DLGAP2: variants seen among roughly 807,000 people sequenced by gnomAD.
DLGAP2 encodes the protein disks large-associated protein 2.
DLGAP2 carries 26 observed loss-of-function variants against 100.3 expected under a neutral mutation model. That is an observed-to-expected ratio of 0.26 (90% confidence interval 0.19 to 0.36). The LOEUF (loss-of-function observed/expected upper bound fraction) is 0.36, where lower values mean the gene tolerates loss of function less well. Ranked by LOEUF, DLGAP2 falls within the 10% of genes least tolerant of loss-of-function variation. DLGAP2 has a pLI of 1.00. For synonymous variants in DLGAP2, 886 were observed against 630.1 expected, an observed-to-expected ratio of 1.41 and a Z score of -6.08; for missense variants, 1,858 against 1,453.2, an observed-to-expected ratio of 1.28 and a Z score of -4.53.
At chr8:1,329,277 C>T (rs73170460) in intron 3 of DLGAP2, among the ~76,000 whole-genome samples, 25,963 of 152,184 alleles carry the variant, frequency 0.17, 2,650 homozygotes, top group Admixed American at 0.27. Context: ...GAAGTTTACT[C>T]TCAGTAATCG....
intron 3 of DLGAP2, among the ~76,000 whole-genome samples, chr8:1,386,488 C>G (rs2129789670): frequency 1.3e-5 from 2 of 152,314 alleles, no homozygotes; most frequent in Middle Eastern, 6.8e-3. Context: ...GCAGAATTCC[C>G]TCCAGAATCC....
chr8:1,666,477 T>C (rs889660653), intron 8 of DLGAP2, among the ~76,000 whole-genome samples: 2 of 152,132 alleles, frequency 1.3e-5, no homozygotes, highest in African/African-American at 4.8e-5. Context: ...GGTCAGGAGT[T>C]TGAGACCAGG....
intron 6 of DLGAP2, among the ~76,000 whole-genome samples, chr8:1,592,680 C>G (rs1646004817): frequency 6.6e-6 from 1 of 152,164 alleles, no homozygotes; most frequent in Non-Finnish European, 1.5e-5. Context: ...TTCTGTAGTT[C>G]CATTTAATGC....
chr8:1,509,218 C>A (rs2130363883), intron 4 of DLGAP2, among the ~76,000 whole-genome samples: 1 of 151,918 alleles, frequency 6.6e-6, no homozygotes, highest in Middle Eastern at 3.4e-3. Flanking sequence ...GTAATCCCAG[C>A]TACTCGAGAG....
Position 1,549,642 on chromosome 8 carries a change from C to G in DLGAP2, c.1189C>G (p.Gln397Glu). The change falls in exon 5 of 15, where the codon CAG becomes GAG. Residue 397 changes from glutamine (Q) to glutamate (E), a missense_variant. Gln to Glu is a conservative substitution (Grantham distance 29, BLOSUM62 2). Coordinates refer to ENST00000637795, the MANE Select transcript of DLGAP2 (RefSeq NM_001346810.2). ...SLNLDKPLLH[Q>E]DAKPALRPCH... ...GAACCTGGACAAGCCGCTGCTGCACCAGGACGCCAAGCCCGCCCTGAGGCC... is the reference window on the plus strand; with the variant it reads ...GAACCTGGACAAGCCGCTGCTGCACGAGGACGCCAAGCCCGCCCTGAGGCC... 1 of 1,580,430 alleles carries G rather than the reference C, an allele frequency of 6.3e-7. No individual in the cohort carries two copies. Among genetic ancestry groups the G allele is most frequent in the Non-Finnish European group, 8.6e-7 (1 of 1,164,298 alleles).
intron 2 of DLGAP2, among the ~76,000 whole-genome samples, chr8:1,246,570 T>C (rs1313733674): frequency 6.6e-6 from 1 of 152,240 alleles, no homozygotes; most frequent in African/African-American, 2.4e-5. Context: ...TTTACTGAGA[T>C]GCACAATGCT....
intron 6 of DLGAP2, among the ~76,000 whole-genome samples, 163 bp from the exon 7 acceptor site, chr8:1,626,577 C>A (rs1482747877): frequency 1.3e-5 from 2 of 150,466 alleles, no homozygotes; most frequent in Non-Finnish European, 3.0e-5. Context: ...CCATCTCTAC[C>A]CTGCAGCAGG....
In DLGAP2 at chr8:1,705,772, C is replaced by T. The variant is rs751442633; in HGVS notation, c.*4366C>T. ...CTAATTTAAAACTGCAGTTTTCAGA[C>T]GACAGCCCCTGGGAATGTTCCAGGG... is the stretch of plus-strand genomic sequence containing the variant. On this transcript the variant is annotated 3_prime_UTR_variant, in exon 15 of 15. Coordinates refer to ENST00000637795, the MANE Select transcript of DLGAP2 (RefSeq NM_001346810.2). 2 of 152,024 alleles carry T rather than the reference C, an allele frequency of 1.3e-5. No homozygotes were observed. Among genetic ancestry groups the T allele is most frequent in the Admixed American group, 1.3e-4 (2 of 15,272 alleles). The allele number at this position is 152,024 out of a possible 1,614,324, so 9.4% of individuals were successfully genotyped here.
chr8:814,053 G>T (rs1796419640), intron 1 of DLGAP2, among the ~76,000 whole-genome samples: 1 of 152,152 alleles, frequency 6.6e-6, no homozygotes, highest in Admixed American at 6.5e-5. Flanking sequence ...GACTGGAAAA[G>T]AACTCAGAAA....
intron 2 of DLGAP2, among the ~76,000 whole-genome samples, chr8:1,195,356 T>G (rs752060576): frequency 6.6e-6 from 1 of 152,212 alleles, no homozygotes; most frequent in Non-Finnish European, 1.5e-5. Context: ...CCTGGCCAGA[T>G]GCACGCAGCC....
chr8:966,104 C>T (rs971339338), intron 2 of DLGAP2, among the ~76,000 whole-genome samples: 9 of 152,186 alleles, frequency 5.9e-5, no homozygotes, highest in African/African-American at 7.2e-5. Flanking sequence ...AGGTCAGTCA[C>T]GCGCTGAGAC....
chr8:1,447,004 G>A (rs895004129), intron 3 of DLGAP2, among the ~76,000 whole-genome samples: 6 of 152,156 alleles, frequency 3.9e-5, no homozygotes, highest in Admixed American at 3.3e-4. Context: ...TGAGACAATG[G>A]GGTTTTCTAG....
intron 3 of DLGAP2, among the ~76,000 whole-genome samples, chr8:1,413,503 C>T (rs532596160): frequency 6.6e-6 from 1 of 152,304 alleles, no homozygotes; most frequent in Admixed American, 6.5e-5. Context: ...TTGTAGATTA[C>T]TTTGCACTAA....
At chr8:1,682,414 T>C (rs567598440) in intron 12 of DLGAP2, among the ~76,000 whole-genome samples, 1 of 152,254 alleles carries the variant, frequency 6.6e-6, no homozygotes, top group East Asian at 1.9e-4. Flanking sequence ...ACATACAAAA[T>C]TGAATTTGAT....
intron 2 of DLGAP2, among the ~76,000 whole-genome samples, chr8:1,090,116 C>T (rs1198045850): frequency 7.1e-6 from 1 of 140,708 alleles, no homozygotes; most frequent in African/African-American, 2.7e-5. Flanking sequence ...AAACTCACAC[C>T]CCGAGGACCT....
intron 8 of DLGAP2, among the ~76,000 whole-genome samples, chr8:1,656,411 A>T (rs567266966): frequency 1.2e-4 from 19 of 152,218 alleles, no homozygotes; most frequent in African/African-American, 4.1e-4. Context: ...TGGTAAACCT[A>T]AGAATGTAGG....
intron 1 of DLGAP2, among the ~76,000 whole-genome samples, chr8:841,169 C>G (rs189595412): frequency 1.3e-5 from 2 of 152,138 alleles, no homozygotes; most frequent in Non-Finnish European, 2.9e-5. Flanking sequence ...GATAAATCCT[C>G]GATTCTTCCC....
intron 6 of DLGAP2, among the ~76,000 whole-genome samples, chr8:1,578,760 C>T (rs1337080530): frequency 6.6e-6 from 1 of 152,094 alleles, no homozygotes; most frequent in East Asian, 1.9e-4. Flanking sequence ...AATAGAAGGC[C>T]TTTTGCTCTC....
intron 3 of DLGAP2, among the ~76,000 whole-genome samples, chr8:1,276,214 C>A (rs376123612): frequency 6.6e-6 from 1 of 150,776 alleles, no homozygotes; most frequent in African/African-American, 2.4e-5. Flanking sequence ...CAACACTCCC[C>A]CCCCGACCCT....
Sources: gnomAD v4.1 joint callset for allele counts (sites outside exome capture counted in the v4.1 genomes callset) on GRCh38, gnomAD v4.1.1 for gene constraint, MANE v1.5 for transcripts, NCBI Gene and HGNC (gene_info 2026-07-23, HGNC 2026-07-21) for gene names.